NRG1: variants seen among roughly 807,000 people sequenced by gnomAD.
The protein encoded by NRG1 is pro-neuregulin-1, membrane-bound isoform.
A neutral mutation model predicts 63.8 loss-of-function variants in NRG1; 18 were observed. That is an observed-to-expected ratio of 0.28 (90% confidence interval 0.19 to 0.42). The LOEUF is 0.42. NRG1 is among the 10% of genes least tolerant of loss of function. The pLI, the probability that NRG1 is intolerant of heterozygous loss-of-function variation, is 1.00. For missense variants in NRG1, 762 were observed against 814.7 expected (o/e 0.94, Z 0.79); for synonymous variants, 302 against 301.3 (o/e 1.00, Z -0.02).
intron 1 of NRG1, among the ~76,000 whole-genome samples, chr8:32,244,926 C>G (rs1370607471): frequency 6.6e-6 from 1 of 152,124 alleles, no homozygotes; most frequent in Non-Finnish European, 1.5e-5. Flanking sequence ...GCATACCAGT[C>G]CAGCAAATTC....
rs139332345 is a variant in NRG1, at chr8:32,706,757, T to A, written c.503-21192T>A. Among the ~76,000 whole-genome samples, 225 of 152,244 alleles carry A rather than the reference T, an allele frequency of 1.5e-3. 2 individuals carry two copies. The highest frequency in any genetic ancestry group is 5.2e-3 in the African/African-American group (214 of 41,552). ...TGAGGTCATAAAAAAGGAATGGTAG[T>A]TTTCTTTCAGAATTTTAAATTTTCT... On this transcript the variant is annotated intron_variant, in intron 5 of 11. Coordinates refer to ENST00000356819, the Ensembl canonical transcript of NRG1.
At chr8:32,197,655 T>C (rs1402765977) in intron 1 of NRG1, among the ~76,000 whole-genome samples, 5 of 152,228 alleles carry the variant, frequency 3.3e-5, no homozygotes, top group Non-Finnish European at 7.3e-5. Flanking sequence ...ACCTAGACTG[T>C]TGGCTTATTG....
intron 1 of NRG1, among the ~76,000 whole-genome samples, chr8:32,076,146 GCATTTAC>G (rs1469213708): frequency 1.3e-5 from 2 of 152,100 alleles, no homozygotes; most frequent in East Asian, 3.9e-4. Context: ...GAGTTAGATA[GCATTTAC>G]CATTGATACC....
intron 1 of NRG1, among the ~76,000 whole-genome samples, chr8:31,866,149 C>T (rs945476296): frequency 6.6e-6 from 1 of 152,196 alleles, no homozygotes; most frequent in Non-Finnish European, 1.5e-5. Flanking sequence ...GTAGGCAACT[C>T]TAGTTCTATA....
intron 1 of NRG1, among the ~76,000 whole-genome samples, chr8:31,680,728 A>T (rs527838684): frequency 1.3e-5 from 2 of 152,108 alleles, no homozygotes; most frequent in African/African-American, 4.8e-5. Flanking sequence ...TGACTTCCAC[A>T]ATGGTTGAAC....
intron 1 of NRG1, among the ~76,000 whole-genome samples, chr8:31,667,880 C>T (rs1322717233): frequency 2.0e-5 from 3 of 152,072 alleles, no homozygotes; most frequent in African/African-American, 4.8e-5. Context: ...TTATGTAGAG[C>T]TTATGGCTAT....
chr8:31,725,464 A>ATAT (rs1813337721), intron 1 of NRG1, among the ~76,000 whole-genome samples: 1 of 8,860 alleles, frequency 1.1e-4, no homozygotes, highest in Non-Finnish European at 4.3e-3. Flanking sequence ...TGATACAGAT[A>ATAT]GATGTCAGCA....
At chr8:32,225,858 C>G (rs994116469) in intron 1 of NRG1, among the ~76,000 whole-genome samples, 5 of 152,094 alleles carry the variant, frequency 3.3e-5, no homozygotes, top group Non-Finnish European at 4.4e-5. Context: ...TTTTAAGAGT[C>G]TAAATAAATT....
At chr8:31,935,078 G>A (rs2129620326) in intron 1 of NRG1, among the ~76,000 whole-genome samples, 1 of 152,028 alleles carries the variant, frequency 6.6e-6, no homozygotes, top group East Asian at 1.9e-4. Context: ...GGCCTCCTGA[G>A]TAGCCAGTAC....
At chr8:31,852,222 C>A (rs1444846575) in intron 1 of NRG1, among the ~76,000 whole-genome samples, 1 of 152,128 alleles carries the variant, frequency 6.6e-6, no homozygotes, top group Non-Finnish European at 1.5e-5. Flanking sequence ...TACAGTCCCA[C>A]CAACAGTGTA....
chr8:31,947,442 A>ATTG (rs1486419514), intron 1 of NRG1, among the ~76,000 whole-genome samples: 2 of 151,340 alleles, frequency 1.3e-5, no homozygotes, highest in African/African-American at 2.4e-5. Context: ...TATTATTATT[A>ATTG]TTATTTATTA....
At chr8:31,933,252 A>G (rs774041525) in intron 1 of NRG1, among the ~76,000 whole-genome samples, 1 of 151,932 alleles carries the variant, frequency 6.6e-6, no homozygotes, top group Non-Finnish European at 1.5e-5. Context: ...GGTCCCCACA[A>G]TAACCCTGAT....
At chr8:32,506,615 A>G (rs1261740656) in intron 1 of NRG1, among the ~76,000 whole-genome samples, 2 of 152,206 alleles carry the variant, frequency 1.3e-5, no homozygotes, top group African/African-American at 4.8e-5. Flanking sequence ...TATTTCTTAC[A>G]AATGTTTTCT....
At chr8:32,041,280 A>T (rs1218034877) in intron 1 of NRG1, among the ~76,000 whole-genome samples, 1 of 152,138 alleles carries the variant, frequency 6.6e-6, no homozygotes, top group Non-Finnish European at 1.5e-5. Context: ...TAATTACTAC[A>T]TTTATTATGG....
intron 1 of NRG1, among the ~76,000 whole-genome samples, chr8:31,853,908 T>C (rs1197947837): frequency 2.6e-5 from 4 of 151,742 alleles, no homozygotes; most frequent in Non-Finnish European, 5.9e-5. Context: ...TTATGCTGGA[T>C]TACATTTATT....
At chr8:32,728,595 A>G (rs1319246358) in intron 6 of NRG1, 1 of 983,920 alleles carries the variant, frequency 1.0e-6, no homozygotes, top group East Asian at 1.1e-4. Flanking sequence ...TTTTAAACGG[A>G]GTTTAGTTTT....
chr8:32,568,187 T>C (rs1324515358), intron 1 of NRG1, among the ~76,000 whole-genome samples: 1 of 152,204 alleles, frequency 6.6e-6, no homozygotes, highest in Non-Finnish European at 1.5e-5. Context: ...TAGAGCTCAT[T>C]CTCTCTTGAC....
intron 1 of NRG1, among the ~76,000 whole-genome samples, chr8:32,214,056 T>C (rs2132415107): frequency 6.6e-6 from 1 of 152,348 alleles, no homozygotes; most frequent in African/African-American, 2.4e-5. Context: ...TGCCTGTGGT[T>C]CCGTCTCTGG....
intron 1 of NRG1, among the ~76,000 whole-genome samples, chr8:32,345,993 G>A (rs1804841866): frequency 6.6e-6 from 1 of 151,028 alleles, no homozygotes; most frequent in Non-Finnish European, 1.5e-5. Context: ...GGGTGACAGA[G>A]TGAAATCCTG....
Sources: gnomAD v4.1 joint callset for allele counts (sites outside exome capture counted in the v4.1 genomes callset) on GRCh38, gnomAD v4.1.1 for gene constraint, MANE v1.5 for transcripts, NCBI Gene and HGNC (gene_info 2026-07-23, HGNC 2026-07-21) for gene names.